AQR: variants seen among roughly 807,000 people sequenced by gnomAD.
The protein encoded by AQR is RNA helicase aquarius.
Under a neutral mutation model 180.5 loss-of-function variants are expected in AQR, and 61 were observed. The observed-to-expected ratio is 0.34, with a 90% CI of 0.28 to 0.42. The LOEUF (loss-of-function observed/expected upper bound fraction) is 0.42. AQR is among the 10% of genes least tolerant of loss of function. The probability of loss-of-function intolerance (pLI) is 1.00; values close to 1 mark genes in which losing one functional copy is unlikely to be tolerated. For synonymous variants in AQR, 551 were observed against 588.8 expected, an observed-to-expected ratio of 0.94 and a Z score of 0.93; for missense variants, 1,281 against 1,798.3, an observed-to-expected ratio of 0.71 and a Z score of 5.20.
At chr15:34,889,090 T>A (rs565847419) in intron 24 of AQR, among the ~76,000 whole-genome samples, 1 of 152,358 alleles carries the variant, frequency 6.6e-6, no homozygotes, top group South Asian at 2.1e-4. Flanking sequence ...TCAAATATTC[T>A]ATTAGCACCT....
At chr15:34,900,030 T>C (rs923738960) in intron 20 of AQR, among the ~76,000 whole-genome samples, 1 of 152,060 alleles carries the variant, frequency 6.6e-6, no homozygotes, top group Non-Finnish European at 1.5e-5. Context: ...GTTCCTGAAA[T>C]TACAGGTGTG....
intron 26 of AQR, 109 bp downstream of exon 26, chr15:34,884,416 A>C (rs1893024270): frequency 2.2e-5 from 24 of 1,078,452 alleles, no homozygotes; most frequent in Non-Finnish European, 1.3e-6. Flanking sequence ...AAAAAAAAAC[A>C]AAAAAACAAA....
rs1475151589 is a variant in AQR at position 34,874,842 on chromosome 15, C to T, written c.3260G>A (p.Arg1087Gln). ...LLQNPQDGFS[R>Q]LKRWIMIGDH... ...GCCAATCATAATCCATCGTTTTAGT[C>T]GGCTAAATCCATCCTGAGGATTCTA... The change falls in exon 29 of 35, where the codon CGA (arginine) becomes CAA (glutamine). Residue 1087 changes from arginine (R) to glutamine (Q), a missense_variant. Arg to Gln is a conservative substitution (Grantham distance 43). Transcript: ENST00000156471. 10 of 1,613,346 alleles carry T rather than the reference C, an allele frequency of 6.2e-6. No individual in the cohort carries two copies. Among genetic ancestry groups the T allele is most frequent in the East Asian group, 2.2e-5 (1 of 44,882 alleles).
chr15:34,872,505 C>T (rs1892833639), intron 30 of AQR, among the ~76,000 whole-genome samples: 1 of 152,004 alleles, frequency 6.6e-6, no homozygotes, highest in African/African-American at 2.4e-5. Flanking sequence ...GAAACTGACT[C>T]AAAGAAGAAA....
chr15:34,912,075 T>A (rs1893509100), intron 16 of AQR, among the ~76,000 whole-genome samples: 1 of 152,158 alleles, frequency 6.6e-6, no homozygotes, highest in Non-Finnish European at 1.5e-5. Flanking sequence ...CATCGAAGAT[T>A]AAATGATTGT....
At chr15:34,908,931 A>T (rs778212049) in intron 17 of AQR, among the ~76,000 whole-genome samples, 1 of 152,232 alleles carries the variant, frequency 6.6e-6, no homozygotes, top group Non-Finnish European at 1.5e-5. Flanking sequence ...GACCTTCTCC[A>T]GCAACTTAAT....
At chr15:34,869,568 A>T (rs1892785588) in intron 31 of AQR, 1 of 152,158 alleles carries the variant, frequency 6.6e-6, no homozygotes, top group Non-Finnish European at 1.5e-5. Context: ...TTGTTATGAG[A>T]GAAAGTAACT....
chr15:34,921,596 G>A (rs1192989546), intron 13 of AQR, among the ~76,000 whole-genome samples: 2 of 152,062 alleles, frequency 1.3e-5, no homozygotes, highest in African/African-American at 2.4e-5. Context: ...CCATGTGAAC[G>A]TGAAAAATTA....
chr15:34,936,994 A>C (rs1371805180), intron 9 of AQR, among the ~76,000 whole-genome samples: 1 of 152,292 alleles, frequency 6.6e-6, no homozygotes, highest in African/African-American at 2.4e-5. Flanking sequence ...AAAGATTTAG[A>C]TATACTAACA....
chr15:34,966,050 C>T (rs913246314), intron 1 of AQR, among the ~76,000 whole-genome samples: 5 of 152,172 alleles, frequency 3.3e-5, no homozygotes, highest in Non-Finnish European at 5.9e-5. Context: ...AGTATATACA[C>T]ATTGCCCTCC....
At chr15:34,870,452 A>G (rs1356640175) in intron 31 of AQR, among the ~76,000 whole-genome samples, 1 of 152,148 alleles carries the variant, frequency 6.6e-6, no homozygotes, top group East Asian at 1.9e-4. Context: ...ACCCCTGCAA[A>G]GCAAAACATA....
intron 11 of AQR, among the ~76,000 whole-genome samples, chr15:34,931,797 G>A (rs1285457636): frequency 6.6e-6 from 1 of 152,176 alleles, no homozygotes; most frequent in Non-Finnish European, 1.5e-5. Flanking sequence ...CCGGGTGACA[G>A]AGCGAACTGT....
chr15:34,894,494 T>C (rs886693287), intron 22 of AQR, among the ~76,000 whole-genome samples: 2 of 152,088 alleles, frequency 1.3e-5, no homozygotes, highest in African/African-American at 4.8e-5. Flanking sequence ...TAAAAAGTGG[T>C]TTTTGTTTTT....
At chr15:34,943,160 G>A (rs1894053029) in intron 6 of AQR, 2 of 1,610,906 alleles carry the variant, frequency 1.2e-6, no homozygotes, top group African/African-American at 2.7e-5. Context: ...CACAGTACAA[G>A]AAGGGCAAGG....
intron 13 of AQR, among the ~76,000 whole-genome samples, chr15:34,921,736 C>A (rs1272582501): frequency 1.3e-5 from 2 of 152,110 alleles, no homozygotes; most frequent in Non-Finnish European, 2.9e-5. Context: ...AGCCCAGCAA[C>A]CATAATCAGT....
intron 5 of AQR, among the ~76,000 whole-genome samples, chr15:34,947,314 A>G (rs1208282865): frequency 6.6e-6 from 1 of 151,258 alleles, no homozygotes. Context: ...TGAAGGCAGC[A>G]TGCTCGTTAA....
chr15:34,918,625 G>A (rs527663094), intron 14 of AQR, among the ~76,000 whole-genome samples: 303 of 152,296 alleles, frequency 2.0e-3, no homozygotes, highest in Middle Eastern at 0.01. Flanking sequence ...AGCTGGGCAC[G>A]TTACTTTAAC....
At chr15:34,951,574 G>C (rs1894232790) in intron 4 of AQR, among the ~76,000 whole-genome samples, 1 of 151,948 alleles carries the variant, frequency 6.6e-6, no homozygotes. Context: ...AGGAGGCTGA[G>C]GCAGGAGAAT....
At chr15:34,947,210 C>T (rs1220446101) in intron 5 of AQR, among the ~76,000 whole-genome samples, 1 of 151,594 alleles carries the variant, frequency 6.6e-6, no homozygotes, top group African/African-American at 2.4e-5. Flanking sequence ...GGTGACCTTA[C>T]CCCCAACCCT....
Sources: allele counts gnomAD v4.1 joint callset (sites outside exome capture counted in the v4.1 genomes callset), GRCh38; gene constraint gnomAD v4.1.1; transcripts MANE v1.5; gene names NCBI Gene and HGNC (gene_info 2026-07-23, HGNC 2026-07-21).